AR: variants seen among roughly 807,000 people sequenced by gnomAD.
The protein encoded by AR is dihydrotestosterone receptor.
In AR, 8 loss-of-function variants were observed where a neutral mutation model predicts 53.9. That is an observed-to-expected ratio of 0.15 (90% confidence interval 0.09 to 0.27). The LOEUF (loss-of-function observed/expected upper bound fraction) is 0.27. Among genes scored for constraint, AR ranks in the 10% least tolerant of loss-of-function variants. AR has a pLI of 1.00. For synonymous variants in AR, 359 were observed against 316.4 expected (o/e 1.13, Z -1.43); for missense variants, 639 against 742.5 (o/e 0.86, Z 1.62).
chrX:67,717,761 T>A (rs1447565746), intron 5 of AR, 139 bp downstream of exon 5: 1 of 948,019 alleles, frequency 1.1e-6, no homozygotes, highest in African/African-American at 1.9e-5. Flanking sequence ...AGCCAGCCAA[T>A]CCAGTATGAG....
In AR at chrX:67,724,110, G is replaced by A; in HGVS notation, c.*269G>A. The A allele has an allele frequency of 2.6e-6, 1 of 382,951 alleles. No homozygotes were observed. Among genetic ancestry groups the A allele is most frequent in the Non-Finnish European group, 4.6e-6 (1 of 218,473 alleles). The allele number at this position is 382,951 out of a possible 1,213,427, so 31.6% of individuals were successfully genotyped here. On this transcript the variant is annotated 3_prime_UTR_variant, in exon 8 of 8. Coordinates refer to ENST00000374690, the MANE Select transcript of AR (RefSeq NM_000044.6). ...GTGGCTCCTATCTGTGTTTTGAATG[G>A]TGTTGTATGCCTTTAAATCTGTGAT...
At chrX:67,600,111 G>A (rs1299875033) in intron 1 of AR, among the ~76,000 whole-genome samples, 1 of 111,344 alleles carries the variant, frequency 9.0e-6, no homozygotes, top group Non-Finnish European at 1.9e-5. Flanking sequence ...AAGCTATGAG[G>A]GGATATACCT....
chrX:67,634,406 G>A (rs868069251), intron 1 of AR, among the ~76,000 whole-genome samples: 6 of 111,602 alleles, frequency 5.4e-5, no homozygotes, highest in Non-Finnish European at 1.1e-4. Flanking sequence ...CAACTTCACT[G>A]AATCCTCACT....
chrX:67,650,683 C>T (rs1458576111), intron 2 of AR, among the ~76,000 whole-genome samples: 5 of 112,367 alleles, frequency 4.4e-5, no homozygotes, highest in Non-Finnish European at 9.4e-5. Flanking sequence ...TAGGCAGCTG[C>T]TTTCAGCCTT....
chrX:67,592,682 G>A (rs1922891548), intron 1 of AR, among the ~76,000 whole-genome samples: 1 of 107,160 alleles, frequency 9.3e-6, no homozygotes, highest in Non-Finnish European at 1.9e-5. Flanking sequence ...AAGCATGCTA[G>A]GTAAGACTGA....
rs1929626286 is a variant in AR, at chrX:67,544,808, C to T, written c.-339C>T. 2 of 220,580 alleles carry T rather than the reference C, an allele frequency of 9.1e-6. No individual in the cohort carries two copies. The highest frequency in any genetic ancestry group is 1.6e-5 in the Non-Finnish European group (2 of 121,457). The allele number at this position is 220,580 out of a possible 1,213,427, so 18.2% of individuals were successfully genotyped here. A position where few individuals can be genotyped will look rare whatever the true frequency, so the allele number is the denominator to read the frequency against. ...GATAATAACTCAGTTCTTATTTGCA[C>T]CTACTTCAGTGGACACTGAATTTGG... is the stretch of plus-strand genomic sequence containing the variant. On this transcript the variant is annotated 5_prime_UTR_variant, in exon 1 of 8. Coordinates refer to ENST00000374690, the MANE Select transcript of AR (RefSeq NM_000044.6).
In AR at chrX:67,624,046, A is replaced by G. The variant is rs781752338; in HGVS notation, c.1617-19210A>G. Among the ~76,000 whole-genome samples the G allele has an allele frequency of 9.0e-5, 10 of 110,868 alleles. No individual in the cohort carries two copies. In the South Asian group the frequency reaches 3.5e-3, roughly 39 times the overall value. On this transcript the variant is annotated intron_variant, in intron 1 of 7. Coordinates refer to ENST00000374690, the MANE Select transcript of AR (RefSeq NM_000044.6). ...ACATGTCTTCACACGGCAGCAGGAG[A>G]GAGAGCAAAGAGGGAAGTGCCACAC...
At chrX:67,577,702 C>T (rs1922120493) in intron 1 of AR, among the ~76,000 whole-genome samples, 1 of 110,855 alleles carries the variant, frequency 9.0e-6, no homozygotes, top group African/African-American at 3.3e-5. Flanking sequence ...GAATTGGGAC[C>T]CCATCATGCT....
chrX:67,728,783 C>T lies in AR; in HGVS notation c.*4942C>T, dbSNP rs893353008. ...ATCAGTTAACTAAAAGTTTTCTCCCCTATTGGGTTTGACCCACAGGTCCTG... is the reference window on the plus strand; with the variant it reads ...ATCAGTTAACTAAAAGTTTTCTCCCTTATTGGGTTTGACCCACAGGTCCTG... On this transcript the variant is annotated 3_prime_UTR_variant, in exon 8 of 8. Coordinates refer to ENST00000374690, the MANE Select transcript of AR (RefSeq NM_000044.6). The T allele has an allele frequency of 6.4e-6, 1 of 155,673 alleles. No homozygotes were observed. The highest frequency in any genetic ancestry group is 1.2e-5 in the Non-Finnish European group (1 of 81,157). 12.8% of individuals were successfully genotyped at this position (155,673 alleles called of 1,213,427 possible).
intron 3 of AR, chrX:67,694,555 A>G: frequency 9.8e-7 from 1 of 1,018,826 alleles, no homozygotes; most frequent in South Asian, 3.5e-5. Context: ...CACCTCCCCA[A>G]CTTTACATGC....
chrX:67,685,168 A>C (rs1157908654), intron 2 of AR, among the ~76,000 whole-genome samples: 1 of 111,897 alleles, frequency 8.9e-6, no homozygotes, highest in African/African-American at 3.2e-5. Flanking sequence ...CTATGCATCC[A>C]TCTGCTATAT....
chrX:67,606,500 A>G (rs1923629757), intron 1 of AR, among the ~76,000 whole-genome samples: 1 of 111,876 alleles, frequency 8.9e-6, no homozygotes, highest in Non-Finnish European at 1.9e-5. Flanking sequence ...AATAGACAAC[A>G]CATTATTATC....
At chrX:67,702,113 G>C (rs973479905) in intron 3 of AR, among the ~76,000 whole-genome samples, 1 of 111,574 alleles carries the variant, frequency 9.0e-6, no homozygotes, top group Non-Finnish European at 1.9e-5. Context: ...TTTTATAGCT[G>C]TGTTACCTCA....
chrX:67,619,561 G>C (rs141442150), intron 1 of AR, among the ~76,000 whole-genome samples: 1 of 110,971 alleles, frequency 9.0e-6, no homozygotes, highest in East Asian at 2.9e-4. Flanking sequence ...AGGTAGACTT[G>C]AATTAAAATC....
At chrX:67,595,405 T>C (rs1408001377) in intron 1 of AR, among the ~76,000 whole-genome samples, 2 of 111,061 alleles carry the variant, frequency 1.8e-5, no homozygotes, top group Admixed American at 1.9e-4. Context: ...CTGTATTATC[T>C]GTAACTACTG....
intron 2 of AR, among the ~76,000 whole-genome samples, chrX:67,684,486 A>G (rs906679532): frequency 9.0e-6 from 1 of 111,191 alleles, no homozygotes; most frequent in African/African-American, 3.3e-5. Flanking sequence ...GTGCTTCTTC[A>G]GGTAAGTCAC....
intron 3 of AR, 41 bp from the exon 4 acceptor site, chrX:67,711,361 A>T (rs2147523924): frequency 1.7e-6 from 2 of 1,163,848 alleles, no homozygotes; most frequent in African/African-American, 3.6e-5. Flanking sequence ...TGTGTTTTTG[A>T]CCACTGATGA....
At chrX:67,635,339 A>C (rs1925377897) in intron 1 of AR, among the ~76,000 whole-genome samples, 1 of 111,485 alleles carries the variant, frequency 9.0e-6, no homozygotes, top group South Asian at 3.8e-4. Flanking sequence ...CCCAAAGTTC[A>C]GTGGTAGAGG....
intron 2 of AR, among the ~76,000 whole-genome samples, chrX:67,651,280 C>T (rs1019574068): frequency 4.6e-5 from 5 of 108,238 alleles, no homozygotes. Flanking sequence ...AACTCCTGAC[C>T]TCGTGATCCA....
Sources: gnomAD v4.1 joint callset for allele counts (sites outside exome capture counted in the v4.1 genomes callset) on GRCh38, gnomAD v4.1.1 for gene constraint, MANE v1.5 for transcripts, NCBI Gene and HGNC (gene_info 2026-07-23, HGNC 2026-07-21) for gene names.